COG5: variants seen among roughly 807,000 people sequenced by gnomAD.
The protein encoded by COG5 is conserved oligomeric Golgi complex subunit 5.
Under a neutral mutation model 110.4 loss-of-function variants are expected in COG5, and 86 were observed. That is an observed-to-expected ratio of 0.78 (90% confidence interval 0.65 to 0.93). The LOEUF (loss-of-function observed/expected upper bound fraction) is 0.93, where lower values mean the gene tolerates loss of function less well. Ranked by LOEUF, COG5 falls within the 40% of genes least tolerant of loss-of-function variation. COG5 has a pLI of 0.00. For synonymous variants in COG5, 360 were observed against 334.6 expected (o/e 1.08, Z -0.83); for missense variants, 1,077 against 987.0 (o/e 1.09, Z -1.22).
intron 6 of COG5, among the ~76,000 whole-genome samples, chr7:107,417,977 G>A (rs558118029): frequency 9.9e-5 from 15 of 151,996 alleles, no homozygotes; most frequent in African/African-American, 3.6e-4. Flanking sequence ...ATTATTTCTT[G>A]AGGCCATTCT....
intron 6 of COG5, among the ~76,000 whole-genome samples, chr7:107,417,388 C>T (rs1289713861): frequency 6.6e-6 from 1 of 152,114 alleles, no homozygotes; most frequent in Non-Finnish European, 1.5e-5. Flanking sequence ...CATTTACCTA[C>T]CCTAAGACGG....
At chr7:107,537,036 C>T (rs1348825874) in intron 5 of COG5, among the ~76,000 whole-genome samples, 1 of 152,168 alleles carries the variant, frequency 6.6e-6, no homozygotes, top group African/African-American at 2.4e-5. Context: ...AAAGGATTCC[C>T]TATTTAATAA....
At chr7:107,204,221 C>CTCATAATTAGGAGA (rs1301901297) in intron 21 of COG5, among the ~76,000 whole-genome samples, 1 of 152,118 alleles carries the variant, frequency 6.6e-6, no homozygotes, top group Non-Finnish European at 1.5e-5. Flanking sequence ...TGATTATGAT[C>CTCATAATTAGGAGA]TCATGGATTA....
rs377701896 is a variant in COG5 at position 107,269,460 on chromosome 7, G to C, written c.1576-11077C>G. Among the ~76,000 whole-genome samples the C allele has an allele frequency of 4.1e-5, 6 of 148,060 alleles. No homozygotes were observed. In the East Asian group the frequency reaches 1.2e-3, roughly 29 times the overall value. ...ACTGCACTCCAGCCTGGGCGACAGA[G>C]CAAGACTCCGTCTCAAAAAAAAAAA... On this transcript the variant is annotated intron_variant, in intron 14 of 21. Coordinates refer to ENST00000297135, the MANE Select transcript of COG5 (RefSeq NM_006348.5).
chr7:107,295,093 A>AT (rs1806616138), intron 12 of COG5, among the ~76,000 whole-genome samples: 4 of 77,174 alleles, frequency 5.2e-5, no homozygotes, highest in African/African-American at 2.1e-4. Context: ...ATATATATAT[A>AT]TATATATATT....
chr7:107,459,801 A>AC (rs1442342237), intron 6 of COG5, among the ~76,000 whole-genome samples: 5 of 150,654 alleles, frequency 3.3e-5, no homozygotes, highest in African/African-American at 1.2e-4. Flanking sequence ...GGCTCAGGGA[A>AC]AAAAAAAAAA....
intron 19 of COG5, among the ~76,000 whole-genome samples, chr7:107,219,942 A>G (rs1419694712): frequency 1.3e-5 from 2 of 152,222 alleles, no homozygotes; most frequent in East Asian, 1.9e-4. Context: ...TGTATACAAT[A>G]AACAAATATA....
intron 12 of COG5, among the ~76,000 whole-genome samples, chr7:107,296,226 T>C (rs911140494): frequency 2.1e-5 from 3 of 145,620 alleles, no homozygotes; most frequent in Non-Finnish European, 4.5e-5. Flanking sequence ...ACAAGGAACA[T>C]ATATTCATTT....
At chr7:107,411,409 T>C (rs1346812507) in intron 7 of COG5, among the ~76,000 whole-genome samples, 1 of 152,118 alleles carries the variant, frequency 6.6e-6, no homozygotes. Flanking sequence ...AGTTAAAACA[T>C]AATTGACCAA....
chr7:107,544,852 T>C (rs2129170796), intron 5 of COG5, among the ~76,000 whole-genome samples: 1 of 152,258 alleles, frequency 6.6e-6, no homozygotes, highest in Non-Finnish European at 1.5e-5. Context: ...AAAAACTCCA[T>C]GAACTACAAG....
intron 1 of COG5, among the ~76,000 whole-genome samples, chr7:107,562,300 A>G (rs1453600201): frequency 6.6e-6 from 1 of 152,220 alleles, no homozygotes; most frequent in Non-Finnish European, 1.5e-5. Context: ...AACTGATTAC[A>G]ATTCCTGAAA....
At chr7:107,321,224 T>C (rs1809240822) in intron 11 of COG5, among the ~76,000 whole-genome samples, 1 of 152,120 alleles carries the variant, frequency 6.6e-6, no homozygotes, top group Non-Finnish European at 1.5e-5. Context: ...TAGAATAGCA[T>C]CAAAATATAT....
intron 17 of COG5, among the ~76,000 whole-genome samples, chr7:107,239,468 A>C (rs1311597131): frequency 6.6e-6 from 1 of 152,160 alleles, no homozygotes; most frequent in Non-Finnish European, 1.5e-5. Flanking sequence ...TTTTAGGATT[A>C]CTTTTTTCTA....
At position 107,474,755 on chromosome 7, in the gene COG5, C is replaced by G; in HGVS notation, c.538+52482G>C. ...GTTGTAGTAATGTTAATCACATACA[C>G]CAAAATACTTCAGGCTCTTAATATT... On this transcript the variant is annotated intron_variant, in intron 6 of 21. Coordinates refer to ENST00000297135, the MANE Select transcript of COG5 (RefSeq NM_006348.5). This position sits in a 1 kb window ranked among gnomAD's most constrained non-coding sequence, Gnocchi z 5.7. The G allele has an allele frequency of 6.2e-7, 1 of 1,610,348 alleles. No homozygotes were observed. The highest frequency in any genetic ancestry group is 8.5e-7 in the Non-Finnish European group (1 of 1,177,972).
chr7:107,433,385 G>T (rs901150969), intron 6 of COG5, among the ~76,000 whole-genome samples: 1 of 152,072 alleles, frequency 6.6e-6, no homozygotes, highest in African/African-American at 2.4e-5. Flanking sequence ...ACCCCAAACA[G>T]CCAAAACAAA....
At chr7:107,439,034 C>T (rs925997563) in intron 6 of COG5, among the ~76,000 whole-genome samples, 3 of 152,122 alleles carry the variant, frequency 2.0e-5, no homozygotes, top group Admixed American at 6.6e-5. Context: ...CCATTCATCA[C>T]CACTTCCTGA....
intron 5 of COG5, among the ~76,000 whole-genome samples, chr7:107,530,624 A>C (rs61448014): frequency 0.057 from 8,098 of 141,562 alleles, 417 homozygotes; most frequent in African/African-American, 0.19. Flanking sequence ...AAAAAAAAAA[A>C]AACACAGTTT....
chr7:107,278,773 T>C (rs1412045926), intron 14 of COG5, among the ~76,000 whole-genome samples: 1 of 152,102 alleles, frequency 6.6e-6, no homozygotes, highest in Non-Finnish European at 1.5e-5. Flanking sequence ...TTACCCCTTA[T>C]ACAAAAATTA....
intron 1 of COG5, among the ~76,000 whole-genome samples, chr7:107,562,955 G>A (rs997567724): frequency 6.6e-6 from 1 of 152,268 alleles, no homozygotes; most frequent in African/African-American, 2.4e-5. Flanking sequence ...TTGCAATACA[G>A]AAGAGATTAA....
Sources: gnomAD v4.1 joint callset for allele counts (sites outside exome capture counted in the v4.1 genomes callset) on GRCh38, gnomAD v4.1.1 for gene constraint, Gnocchi (gnomAD v3.1) non-coding constraint, MANE v1.5 for transcripts, NCBI Gene and HGNC (gene_info 2026-07-23, HGNC 2026-07-21) for gene names.